ARHGEF7: variants seen among roughly 807,000 people sequenced by gnomAD.
The protein encoded by ARHGEF7 is Rho guanine nucleotide exchange factor 7.
In ARHGEF7, 33 loss-of-function variants were observed where a neutral mutation model predicts 109.8. That is an observed-to-expected ratio of 0.30 (90% CI 0.23 to 0.40). The LOEUF (loss-of-function observed/expected upper bound fraction) is 0.40, where lower values mean the gene tolerates loss of function less well. ARHGEF7 is among the 10% of genes least tolerant of loss of function. ARHGEF7 has a pLI of 1.00. For synonymous variants in ARHGEF7, 458 were observed against 424.6 expected (o/e 1.08, Z -0.97); for missense variants, 938 against 1,098.5 (o/e 0.85, Z 2.07).
In ARHGEF7 at chr13:111,274,270, G is replaced by T. The variant is rs376785126; in HGVS notation, c.1212+318G>T. On this transcript the variant is annotated intron_variant, in intron 10 of 21. Coordinates refer to ENST00000646102, the MANE Select transcript of ARHGEF7 (RefSeq NM_001354046.2). ...CAAACAATGTGTGCATAGGTTATAG[G>T]GTAATACTGTACTAATCATTTGATG... Among the ~76,000 whole-genome samples, 5 of 152,242 alleles carry T rather than the reference G, an allele frequency of 3.3e-5. No individual in the cohort carries two copies. In the East Asian group the frequency reaches 7.7e-4, roughly 24 times the overall value.
At chr13:111,159,667 A>G (rs1453625320) in intron 2 of ARHGEF7, among the ~76,000 whole-genome samples, 3 of 152,024 alleles carry the variant, frequency 2.0e-5, no homozygotes, top group Non-Finnish European at 4.4e-5. Context: ...GGCCATTTGT[A>G]TGTCTTTGGA....
intron 3 of ARHGEF7, among the ~76,000 whole-genome samples, chr13:111,206,325 C>T (rs897172083): frequency 3.3e-5 from 5 of 151,928 alleles, no homozygotes; most frequent in African/African-American, 1.2e-4. Context: ...GAGGCTTCAT[C>T]GGTGGTGCAG....
rs1252331532 is a variant in ARHGEF7 at position 111,131,799 on chromosome 13, G to T, written c.165+16108G>T. On this transcript the variant is annotated intron_variant, in intron 1 of 21. Transcript: ENST00000646102. This position sits in a 1 kb window ranked among gnomAD's most constrained non-coding sequence, Gnocchi z 4.4. ...GGGAAGGAGGGTGCTATTCCTAGCT[G>T]TTCTAGGACAACTGGCCAGCACACA... 6.6e-6 allele frequency among the ~76,000 whole-genome samples: 1 copy of T among 152,206 alleles called. No homozygotes were observed. The highest frequency in any genetic ancestry group is 2.4e-5 in the African/African-American group (1 of 41,448).
At chr13:111,162,285 G>A (rs1420530818) in intron 2 of ARHGEF7, among the ~76,000 whole-genome samples, 2 of 152,132 alleles carry the variant, frequency 1.3e-5, no homozygotes, top group African/African-American at 4.8e-5. Flanking sequence ...TATATTTCTG[G>A]GGAGATTGCA....
At chr13:111,162,619 T>C (rs1325199588) in intron 2 of ARHGEF7, among the ~76,000 whole-genome samples, 1 of 152,230 alleles carries the variant, frequency 6.6e-6, no homozygotes, top group Non-Finnish European at 1.5e-5. Flanking sequence ...TGGGATAATT[T>C]AGTGAGTGAG....
intron 19 of ARHGEF7, among the ~76,000 whole-genome samples, chr13:111,297,663 T>C (rs1464181872): frequency 6.6e-6 from 1 of 152,228 alleles, no homozygotes; most frequent in Admixed American, 6.5e-5. Flanking sequence ...CCAGGTTAAC[T>C]GAAAAGACTC....
At chr13:111,157,474 G>C (rs541218218) in intron 2 of ARHGEF7, among the ~76,000 whole-genome samples, 2 of 151,972 alleles carry the variant, frequency 1.3e-5, no homozygotes, top group African/African-American at 4.8e-5. Flanking sequence ...TAGGTCAGGA[G>C]TTTGAGACCA....
chr13:111,189,946 G>T (rs561508962), intron 2 of ARHGEF7, among the ~76,000 whole-genome samples: 1 of 152,272 alleles, frequency 6.6e-6, no homozygotes, highest in South Asian at 2.1e-4. Flanking sequence ...CTCTCAATCC[G>T]CCCTCTAAAT....
intron 6 of ARHGEF7, among the ~76,000 whole-genome samples, chr13:111,234,282 T>A (rs747191955): frequency 9.2e-5 from 14 of 152,208 alleles, no homozygotes; most frequent in Non-Finnish European, 1.9e-4. Flanking sequence ...TCTGAGCAGC[T>A]CCACCACGTG....
intron 1 of ARHGEF7, among the ~76,000 whole-genome samples, chr13:111,142,084 G>A (rs1376997648): frequency 6.6e-6 from 1 of 151,954 alleles, no homozygotes; most frequent in Non-Finnish European, 1.5e-5. Flanking sequence ...TATGATGTTG[G>A]ATATCTTTTT....
Position 111,273,198 on chromosome 13 carries a change from C to G in ARHGEF7, c.1074-616C>G, listed in dbSNP as rs1442963135. 6.6e-6 allele frequency among the ~76,000 whole-genome samples: 1 copy of G among 152,202 alleles called. No individual in the cohort carries two copies. Among genetic ancestry groups the G allele is most frequent in the South Asian group, 2.1e-4 (1 of 4,838 alleles). On this transcript the variant is annotated intron_variant, in intron 9 of 21. Coordinates refer to ENST00000646102, the MANE Select transcript of ARHGEF7 (RefSeq NM_001354046.2). The surrounding 1 kb of genome is among the most constrained non-coding windows in gnomAD (Gnocchi z 4.5). ...CATTCGCTGTCTGCACACAGGGACC[C>G]CTTTCTTCCTCACGTATTGTGAGGA...
At chr13:111,150,850 G>A (rs982878581) in intron 1 of ARHGEF7, among the ~76,000 whole-genome samples, 4 of 152,208 alleles carry the variant, frequency 2.6e-5, no homozygotes, top group African/African-American at 9.7e-5. Flanking sequence ...CAAGTTCATC[G>A]TGCAATGAAC....
intron 6 of ARHGEF7, among the ~76,000 whole-genome samples, chr13:111,234,286 C>T (rs935573293): frequency 2.0e-5 from 3 of 152,174 alleles, no homozygotes; most frequent in African/African-American, 4.8e-5. Context: ...AGCAGCTCCA[C>T]CACGTGGAGC....
At chr13:111,286,611 A>G (rs551160264) in intron 17 of ARHGEF7, among the ~76,000 whole-genome samples, 6 of 152,034 alleles carry the variant, frequency 3.9e-5, no homozygotes, top group African/African-American at 1.4e-4. Context: ...TGTCTGTTAG[A>G]AGCGTGACCT....
chr13:111,234,063 G>A (rs2086459891), intron 6 of ARHGEF7, among the ~76,000 whole-genome samples: 2 of 152,102 alleles, frequency 1.3e-5, no homozygotes, highest in South Asian at 2.1e-4. Context: ...GAATTCTGGG[G>A]AAAATGCGCA....
chr13:111,282,840 C>T (rs377344453), intron 15 of ARHGEF7: 8 of 505,740 alleles, frequency 1.6e-5, no homozygotes, highest in Admixed American at 3.7e-5. Context: ...AATGTTACTC[C>T]GTAGCTAATA....
chr13:111,216,311 CG>C (rs1323591847), intron 4 of ARHGEF7, among the ~76,000 whole-genome samples: 2 of 151,724 alleles, frequency 1.3e-5, no homozygotes, highest in South Asian at 2.1e-4. Context: ...AGTGGTAGAG[CG>C]GGGGCTGTAT....
intron 18 of ARHGEF7, among the ~76,000 whole-genome samples, chr13:111,291,828 T>G (rs1340040510): frequency 6.6e-6 from 1 of 152,202 alleles, no homozygotes; most frequent in Non-Finnish European, 1.5e-5. Context: ...AATGAGGGCT[T>G]TAGAGCAATA....
chr13:111,239,864 G>T lies in ARHGEF7; in HGVS notation c.760-4008G>T, dbSNP rs555361604. 4.6e-5 allele frequency among the ~76,000 whole-genome samples: 7 copies of T among 152,188 alleles called. No homozygotes were observed. The highest frequency in any genetic ancestry group is 1.7e-4 in the African/African-American group (7 of 41,492). On this transcript the variant is annotated intron_variant, in intron 6 of 21. Coordinates refer to ENST00000646102, the MANE Select transcript of ARHGEF7 (RefSeq NM_001354046.2). The surrounding 1 kb of genome is among the most constrained non-coding windows in gnomAD (Gnocchi z 4.3). ...CGGAGAGGAGCTCAGTGTTTGGGAG[G>T]ATTGAGTGACTTAATTGCAAGAAAG...
Sources: allele counts gnomAD v4.1 joint callset (sites outside exome capture counted in the v4.1 genomes callset), GRCh38; gene constraint gnomAD v4.1.1; non-coding constraint Gnocchi (gnomAD v3.1); transcripts MANE v1.5; gene names NCBI Gene and HGNC (gene_info 2026-07-23, HGNC 2026-07-21).